The following CHFR variants were observed in gnomAD, a reference collection of about 807,000 sequenced individuals.
The protein encoded by CHFR is E3 ubiquitin-protein ligase CHFR.
CHFR carries 57 observed loss-of-function variants against 87.6 expected under a neutral mutation model. That is an observed-to-expected ratio of 0.65 (90% CI 0.53 to 0.81). The LOEUF (loss-of-function observed/expected upper bound fraction) is 0.81, where lower values mean the gene tolerates loss of function less well. CHFR is among the 30% of genes least tolerant of loss of function. The probability of loss-of-function intolerance (pLI) is 0.00; values close to 1 mark genes in which losing one functional copy is unlikely to be tolerated. For missense variants in CHFR, 797 were observed against 865.8 expected (o/e 0.92, Z 1.00); for synonymous variants, 381 against 359.2 (o/e 1.06, Z -0.69).
At chr12:132,853,797 C>A in intron 10 of CHFR, 1 of 537,318 alleles carries the variant, frequency 1.9e-6, no homozygotes, top group Non-Finnish European at 3.2e-6. Context: ...CAGCTCAGCC[C>A]CCACGCTTTG....
intron 11 of CHFR, among the ~76,000 whole-genome samples, chr12:132,853,021 G>A (rs557722006): frequency 6.6e-6 from 1 of 152,344 alleles, no homozygotes; most frequent in South Asian, 2.1e-4. Flanking sequence ...GCCAACTCTG[G>A]TGACGCAGGG....
At chr12:132,853,083 G>A (rs1950981797) in intron 11 of CHFR, among the ~76,000 whole-genome samples, 1 of 152,228 alleles carries the variant, frequency 6.6e-6, no homozygotes, top group South Asian at 2.1e-4. Context: ...TCTTACTTGA[G>A]GGACAGATAT....
intron 7 of CHFR, 32 bp from the exon 8 acceptor site, chr12:132,859,259 C>T: frequency 1.3e-6 from 2 of 1,588,350 alleles, no homozygotes; most frequent in Non-Finnish European, 1.7e-6. Flanking sequence ...TCTGTCGTAA[C>T]CAAGAAGGAA....
At chr12:132,873,998 T>C (rs1951557513) in intron 3 of CHFR, among the ~76,000 whole-genome samples, 1 of 152,146 alleles carries the variant, frequency 6.6e-6, no homozygotes, top group South Asian at 2.1e-4. Context: ...ACGTGGTTCC[T>C]TCTGCCTGAG....
chr12:132,871,086 G>A (rs1437370321), intron 4 of CHFR, among the ~76,000 whole-genome samples: 4 of 152,216 alleles, frequency 2.6e-5, no homozygotes, highest in Non-Finnish European at 5.9e-5. Flanking sequence ...GTGGCCAGGG[G>A]CTGGTTAAGT....
chr12:132,869,679 T>G lies in CHFR; in HGVS notation c.523A>C (p.Thr175Pro). Residue 175 changes from threonine to proline, a missense_variant, in exon 6 of 18, where the codon ACA becomes CCA. Transcript: ENST00000450056. ...GGCTCCGTGGAAGAGGCCGAGGCTG[T>G]GGGGAAGAGGTCTGACGTCGATGTT... ...PSTSTSDLFP[T>P]ASASSTEPSP... is the part of the protein sequence containing the mutation. 1 of 1,551,626 alleles carries G rather than the reference T, an allele frequency of 6.4e-7. No homozygotes were observed. Among genetic ancestry groups the G allele is most frequent in the Non-Finnish European group, 8.7e-7 (1 of 1,147,002 alleles).
intron 3 of CHFR, among the ~76,000 whole-genome samples, chr12:132,875,099 G>A (rs922949892): frequency 9.9e-5 from 15 of 152,278 alleles, no homozygotes; most frequent in African/African-American, 3.6e-4. Flanking sequence ...GACAGCTAGG[G>A]ACCAGCACCC....
intron 3 of CHFR, among the ~76,000 whole-genome samples, chr12:132,875,896 C>T (rs1018226247): frequency 7.2e-5 from 11 of 152,176 alleles, no homozygotes; most frequent in Non-Finnish European, 1.2e-4. Context: ...AAAAGCTGGC[C>T]GGGCGCGATG....
At position 132,841,667 on chromosome 12, in the gene CHFR, G is replaced by A. The variant is rs1593437784; in HGVS notation, c.1917-71C>T. 3 of 1,235,904 alleles carry A rather than the reference G, an allele frequency of 2.4e-6. No homozygotes were observed. The South Asian group carries it at 3.6e-5, about 15-fold the overall frequency. The allele number at this position is 1,235,904 out of a possible 1,614,324, so 76.6% of individuals were successfully genotyped here. A position where few individuals can be genotyped will look rare whatever the true frequency, so the allele number is the denominator to read the frequency against. On this transcript the variant is annotated intron_variant, in intron 17 of 17. Coordinates refer to ENST00000450056, the MANE Select transcript of CHFR (RefSeq NM_001161346.2). The stretch of plus-strand genomic sequence containing the variant: ...GCAATCAAATAAATTACACAACAGA[G>A]CATCAGAAAGGCATTCAAATAAACG...
chr12:132,861,926 C>T (rs1951218385), intron 6 of CHFR: 1 of 384,024 alleles, frequency 2.6e-6, no homozygotes, highest in Non-Finnish European at 4.9e-6. Context: ...TAACGCAGGG[C>T]AAACCCACAT....
chr12:132,860,991 G>A (rs1435840631), intron 7 of CHFR, among the ~76,000 whole-genome samples: 1 of 152,196 alleles, frequency 6.6e-6, no homozygotes, highest in African/African-American at 2.4e-5. Flanking sequence ...GACCTCAGAT[G>A]ATCCGTCCAC....
chr12:132,866,209 T>C (rs1168550616), intron 6 of CHFR: 1 of 152,166 alleles, frequency 6.6e-6, no homozygotes, highest in Non-Finnish European at 1.5e-5. Flanking sequence ...GCCTGCAACT[T>C]AGTGTCCCCA....
rs1950853067 is a variant in CHFR, at chr12:132,847,345, G to GT, written c.1648-216dup. 7 of 1,311,640 alleles carry GT rather than the reference G, an allele frequency of 5.3e-6. No homozygotes were observed. In the South Asian group the frequency reaches 7.8e-5, roughly 15 times the overall value. 81.3% of individuals were successfully genotyped at this position (1,311,640 alleles called of 1,614,324 possible). On this transcript the variant is annotated intron_variant, in intron 14 of 17. Coordinates refer to ENST00000450056, the MANE Select transcript of CHFR (RefSeq NM_001161346.2). ...CCTGGAAGTCCCAAAAGGTTCCAGT[G>GT]TAACAGTTACCAGAGTCTCTCAAAA...
At chr12:132,862,278 G>GA (rs113102875) in intron 6 of CHFR, 447 of 245,842 alleles carry the variant, frequency 1.8e-3, no homozygotes, top group South Asian at 3.8e-3. Flanking sequence ...TCCCTCTGGG[G>GA]AAAAAAAAAT....
intron 12 of CHFR, among the ~76,000 whole-genome samples, chr12:132,850,437 ACCGCG>A (rs1317582942): frequency 2.0e-5 from 3 of 151,928 alleles, no homozygotes; most frequent in Admixed American, 1.3e-4. Flanking sequence ...TCTGCTGACC[ACCGCG>A]TGTGTGAGAC....
At chr12:132,880,914 G>A (rs933048912) in intron 2 of CHFR, among the ~76,000 whole-genome samples, 14 of 149,256 alleles carry the variant, frequency 9.4e-5, no homozygotes, top group African/African-American at 3.5e-4. Context: ...ACAGTGAGCC[G>A]AGATCACGCC....
chr12:132,848,421 TG>T (rs1950872470), intron 13 of CHFR: 1 of 710,004 alleles, frequency 1.4e-6, no homozygotes, highest in Admixed American at 2.3e-5. Flanking sequence ...GATTCTGTCC[TG>T]GGAGTATCTC....
At chr12:132,853,972 A>G (rs1256919019) in intron 10 of CHFR, 1 of 175,660 alleles carries the variant, frequency 5.7e-6, no homozygotes, top group African/African-American at 2.4e-5. Flanking sequence ...TGGGAGCCAC[A>G]CCAGGCGCCT....
At chr12:132,886,536 TCAAA>T (rs1951899259) in intron 2 of CHFR, among the ~76,000 whole-genome samples, 1 of 152,130 alleles carries the variant, frequency 6.6e-6, no homozygotes, top group South Asian at 2.1e-4. Context: ...TCAGAGGAAA[TCAAA>T]CAACCAGATG....
Sources: gnomAD v4.1 joint callset for allele counts (sites outside exome capture counted in the v4.1 genomes callset) on GRCh38, gnomAD v4.1.1 for gene constraint, MANE v1.5 for transcripts, NCBI Gene and HGNC (gene_info 2026-07-23, HGNC 2026-07-21) for gene names.